Variants in UTP6 observed in about 807,000 individuals in gnomAD.
UTP6 encodes U3 small nucleolar RNA-associated protein 6 homolog.
UTP6 carries 60 observed loss-of-function variants against 96.5 expected under a neutral mutation model. That is an observed-to-expected ratio of 0.62 (90% confidence interval 0.51 to 0.77). UTP6 has a LOEUF of 0.77. Ranked by LOEUF, UTP6 falls within the 30% of genes least tolerant of loss-of-function variation. The pLI, the probability that UTP6 is intolerant of heterozygous loss-of-function variation, is 0.00. For synonymous variants in UTP6, 215 were observed against 240.1 expected, an observed-to-expected ratio of 0.90 and a Z score of 0.96; for missense variants, 637 against 706.5, an observed-to-expected ratio of 0.90 and a Z score of 1.12.
intron 9 of UTP6, among the ~76,000 whole-genome samples, chr17:31,884,716 A>G (rs1311212163): frequency 9.0e-6 from 1 of 111,594 alleles, no homozygotes; most frequent in Non-Finnish European, 1.8e-5. Context: ...GTATTCATAA[A>G]AAAAGAACTA....
Position 31,886,075 on chromosome 17 carries a change from T to C in UTP6, c.622-14A>G, listed in dbSNP as rs368704113. 2.5e-5 allele frequency: 40 copies of C among 1,607,980 alleles called. No individual in the cohort carries two copies. The highest frequency in any genetic ancestry group is 8.0e-5 in the African/African-American group (6 of 74,644). On this transcript the variant is annotated splice_polypyrimidine_tract_variant and intron_variant, in intron 8 of 18. Transcript: ENST00000261708. ...ATCAGGATTCTCCTAAAGAGTGTTA[T>C]ATCAAACGTAACTTAACAGGTAGTA...
Position 31,889,386 on chromosome 17 carries a change from C to T in UTP6, c.442G>A (p.Ala148Thr), listed in dbSNP as rs368540886. 6.2e-7 allele frequency: 1 copy of T among 1,613,140 alleles called. No homozygotes were observed. The highest frequency in any genetic ancestry group is 1.3e-5 in the African/African-American group (1 of 74,892). Reference sequence around the variant, plus strand: ...AATCGATCTTCCATTTCCCATTTGGCTGCCATAATCCACAAAGCTGTAAGT... The same window carrying T: ...AATCGATCTTCCATTTCCCATTTGGTTGCCATAATCCACAAAGCTGTAAGT... ...SNKPALWIMA[A>T]KWEMEDRLSS... The change falls in exon 7 of 19, where the codon GCC becomes ACC. Residue 148 changes from alanine to threonine, a missense_variant. Physicochemically the swap from Ala to Thr is moderately conservative, Grantham distance 58. Coordinates refer to ENST00000261708, the MANE Select transcript of UTP6 (RefSeq NM_018428.3).
At chr17:31,864,366 GAC>G (rs1481479524) in intron 18 of UTP6, among the ~76,000 whole-genome samples, 2 of 152,142 alleles carry the variant, frequency 1.3e-5, no homozygotes, top group Non-Finnish European at 2.9e-5. Flanking sequence ...CAGCCTGGGT[GAC>G]AGAGTGAGAC....
chr17:31,870,050 C>A (rs79558904), intron 16 of UTP6, among the ~76,000 whole-genome samples: 2 of 152,070 alleles, frequency 1.3e-5, no homozygotes, highest in African/African-American at 4.8e-5. Context: ...GTATATTTAC[C>A]ACATTGTTTT....
chr17:31,890,792 G>A (rs1477506429), intron 6 of UTP6, among the ~76,000 whole-genome samples: 1 of 151,514 alleles, frequency 6.6e-6, no homozygotes, highest in Non-Finnish European at 1.5e-5. Context: ...TCTGAGACCA[G>A]TCTGGCCAAC....
intron 4 of UTP6, among the ~76,000 whole-genome samples, chr17:31,894,411 A>G (rs953570234): frequency 5.9e-5 from 9 of 152,232 alleles, no homozygotes; most frequent in African/African-American, 2.2e-4. Context: ...TTAGTAATGT[A>G]TCAAATACAC....
intron 13 of UTP6, among the ~76,000 whole-genome samples, chr17:31,877,773 C>T (rs1194997769): frequency 1.3e-5 from 2 of 152,036 alleles, no homozygotes; most frequent in Non-Finnish European, 2.9e-5. Flanking sequence ...TAGAGACCAG[C>T]CCAGCCAAGA....
chr17:31,877,989 T>C (rs1190998910), intron 13 of UTP6, among the ~76,000 whole-genome samples: 4 of 145,106 alleles, frequency 2.8e-5, no homozygotes, highest in Non-Finnish European at 6.0e-5. Flanking sequence ...AAAAAAGGAA[T>C]GGGTGGACAA....
chr17:31,894,563 A>G (rs1904523443), intron 4 of UTP6, 82 bp downstream of exon 4: 2 of 984,926 alleles, frequency 2.0e-6, no homozygotes, highest in Non-Finnish European at 1.5e-6. Flanking sequence ...TAAAAATAGA[A>G]AACTGCATTT....
intron 1 of UTP6, 65 bp downstream of exon 1, chr17:31,901,471 T>G: frequency 6.6e-7 from 1 of 1,509,962 alleles, no homozygotes; most frequent in African/African-American, 1.4e-5. Context: ...ATCTAGCCCC[T>G]GCCACACACT....
At chr17:31,868,228 T>C in intron 16 of UTP6, 116 bp from the exon 17 acceptor site, 1 of 839,998 alleles carries the variant, frequency 1.2e-6, no homozygotes, top group Non-Finnish European at 1.8e-6. Context: ...AAGACTTGAC[T>C]TCAAATCAAT....
intron 18 of UTP6, among the ~76,000 whole-genome samples, chr17:31,864,727 A>C (rs1226078510): frequency 6.6e-6 from 1 of 151,656 alleles, no homozygotes. Context: ...GGCCCAAACA[A>C]TCCTCGCACC....
At chr17:31,895,539 GTT>G (rs1904582142) in intron 2 of UTP6, among the ~76,000 whole-genome samples, 1 of 151,892 alleles carries the variant, frequency 6.6e-6, no homozygotes, top group Non-Finnish European at 1.5e-5. Flanking sequence ...TAGGTGTTTT[GTT>G]TTGTTTTTTT....
intron 10 of UTP6, among the ~76,000 whole-genome samples, chr17:31,880,996 T>G (rs1910801630): frequency 6.6e-6 from 1 of 151,862 alleles, no homozygotes; most frequent in African/African-American, 2.4e-5. Context: ...ACCAATATGG[T>G]GAAACCCCAT....
Position 31,899,641 on chromosome 17 carries a change from C to A in UTP6, c.177+5G>T. 6.4e-7 allele frequency: 1 copy of A among 1,573,964 alleles called. No individual in the cohort carries two copies. Among genetic ancestry groups the A allele is most frequent in the South Asian group, 1.2e-5 (1 of 84,592 alleles). ...AAAGAAAGAAATTATTAATTACACACTTACTTGAACATAATTGATAAAGTC... is the reference window on the plus strand; with the variant it reads ...AAAGAAAGAAATTATTAATTACACAATTACTTGAACATAATTGATAAAGTC... On this transcript the variant is annotated splice_donor_5th_base_variant and intron_variant, in intron 2 of 18. Transcript: ENST00000261708.
chr17:31,896,082 T>C (rs1400423631), intron 2 of UTP6, among the ~76,000 whole-genome samples: 2 of 151,634 alleles, frequency 1.3e-5, no homozygotes, highest in African/African-American at 4.8e-5. Flanking sequence ...TTTTTTTTTA[T>C]TGTTTGTTTT....
intron 7 of UTP6, 39 bp downstream of exon 7, chr17:31,889,246 G>A: frequency 2.7e-6 from 4 of 1,486,706 alleles, no homozygotes; most frequent in Non-Finnish European, 3.7e-6. Context: ...GGACCAAACT[G>A]AAACATCACT....
rs773501056 is a variant in UTP6 at position 31,899,638 on chromosome 17, A to C, written c.177+8T>G. The C allele has an allele frequency of 6.4e-7, 1 of 1,567,668 alleles. No individual in the cohort carries two copies. Among genetic ancestry groups the C allele is most frequent in the Non-Finnish European group, 8.6e-7 (1 of 1,160,760 alleles). ...AAAAAAGAAAGAAATTATTAATTAC[A>C]CACTTACTTGAACATAATTGATAAA... On this transcript the variant is annotated splice_region_variant and intron_variant, in intron 2 of 18. Coordinates refer to ENST00000261708, the MANE Select transcript of UTP6 (RefSeq NM_018428.3).
intron 5 of UTP6, 66 bp from the exon 6 acceptor site, chr17:31,892,389 T>G (rs770723824): frequency 6.1e-6 from 9 of 1,474,132 alleles, no homozygotes; most frequent in Non-Finnish European, 8.5e-6. Flanking sequence ...CTCTAAGTAA[T>G]ATGTACCCTA....
Sources: gnomAD v4.1 joint callset for allele counts (sites outside exome capture counted in the v4.1 genomes callset) on GRCh38, gnomAD v4.1.1 for gene constraint, MANE v1.5 for transcripts, NCBI Gene and HGNC (gene_info 2026-07-23, HGNC 2026-07-21) for gene names.